PRKG1: variants seen among roughly 807,000 people sequenced by gnomAD.
PRKG1 encodes protein kinase cGMP-dependent 1.
PRKG1 carries 35 observed loss-of-function variants against 88.1 expected under a neutral mutation model. That is an observed-to-expected ratio of 0.40 (90% CI 0.30 to 0.53). The LOEUF is 0.53. Among genes scored for constraint, PRKG1 ranks in the 20% least tolerant of loss-of-function variants. PRKG1 has a pLI of 0.59. For synonymous variants in PRKG1, 303 were observed against 292.5 expected, an observed-to-expected ratio of 1.04 and a Z score of -0.37; for missense variants, 540 against 839.8, an observed-to-expected ratio of 0.64 and a Z score of 4.41.
intron 3 of PRKG1, among the ~76,000 whole-genome samples, chr10:51,599,732 C>A (rs1838549210): frequency 6.6e-6 from 1 of 152,146 alleles, no homozygotes; most frequent in Non-Finnish European, 1.5e-5. Context: ...AACCTTCCGG[C>A]TATTTTAATG....
chr10:52,221,055 C>T (rs1027852577), intron 9 of PRKG1, among the ~76,000 whole-genome samples: 2 of 146,354 alleles, frequency 1.4e-5, no homozygotes, highest in Non-Finnish European at 3.0e-5. Flanking sequence ...CAACCCCACC[C>T]GCATCTGTTA....
At chr10:52,225,415 T>C (rs1324417278) in intron 9 of PRKG1, among the ~76,000 whole-genome samples, 1 of 152,190 alleles carries the variant, frequency 6.6e-6, no homozygotes, top group Admixed American at 6.5e-5. Flanking sequence ...ATTTTGAAGA[T>C]TTTCTCCCAC....
chr10:51,104,407 C>T (rs1844767134), intron 1 of PRKG1, among the ~76,000 whole-genome samples: 1 of 152,162 alleles, frequency 6.6e-6, no homozygotes, highest in Non-Finnish European at 1.5e-5. Flanking sequence ...AAAGGCATTA[C>T]TGACAAAATG....
chr10:52,163,923 G>A (rs1838353316), intron 9 of PRKG1, among the ~76,000 whole-genome samples: 1 of 152,118 alleles, frequency 6.6e-6, no homozygotes, highest in Non-Finnish European at 1.5e-5. Context: ...TTCTGCTCCT[G>A]GCTCTGTCAT....
At chr10:51,147,142 T>C (rs2131965023) in intron 1 of PRKG1, among the ~76,000 whole-genome samples, 1 of 152,142 alleles carries the variant, frequency 6.6e-6, no homozygotes, top group South Asian at 2.1e-4. Context: ...AGAGTAGGGA[T>C]GAGGGAAAGA....
intron 7 of PRKG1, among the ~76,000 whole-genome samples, chr10:52,088,298 AAT>A (rs1479758940): frequency 6.6e-6 from 1 of 151,034 alleles, no homozygotes; most frequent in Non-Finnish European, 1.5e-5. Context: ...TTAATGAGGA[AAT>A]AGTTTGTTTA....
intron 1 of PRKG1, among the ~76,000 whole-genome samples, chr10:51,063,719 A>G (rs971949044): frequency 2.0e-5 from 3 of 152,196 alleles, no homozygotes; most frequent in Admixed American, 2.0e-4. Context: ...TTTTATAATT[A>G]GAGCTTAATT....
At chr10:51,808,320 G>A (rs1033664316) in intron 4 of PRKG1, among the ~76,000 whole-genome samples, 23 of 151,950 alleles carry the variant, frequency 1.5e-4, no homozygotes, top group Admixed American at 1.5e-3. Flanking sequence ...ACTTCGGCTG[G>A]GTGTAGTGGC....
intron 1 of PRKG1, among the ~76,000 whole-genome samples, chr10:51,018,769 A>G (rs948640303): frequency 1.3e-5 from 2 of 152,204 alleles, no homozygotes; most frequent in African/African-American, 4.8e-5. Context: ...GGAAGTGTCA[A>G]TATTTAAAAA....
intron 1 of PRKG1, among the ~76,000 whole-genome samples, chr10:51,088,850 C>G (rs1021046148): frequency 1.6e-5 from 2 of 121,614 alleles, no homozygotes; most frequent in African/African-American, 6.6e-5. Context: ...CAAGATAAAA[C>G]CTCTTCATGT....
intron 5 of PRKG1, among the ~76,000 whole-genome samples, chr10:52,008,075 C>A (rs553901619): frequency 6.6e-6 from 1 of 152,122 alleles, no homozygotes; most frequent in South Asian, 2.1e-4. Flanking sequence ...ATCTTTGAAA[C>A]TAATAAGAAC....
chr10:51,597,267 T>C (rs1838476692), intron 3 of PRKG1, among the ~76,000 whole-genome samples: 2 of 152,286 alleles, frequency 1.3e-5, no homozygotes, highest in East Asian at 1.9e-4. Flanking sequence ...AATTCATTGT[T>C]GGTAAAACAT....
At chr10:51,853,627 G>T (rs913052246) in intron 4 of PRKG1, among the ~76,000 whole-genome samples, 1 of 152,156 alleles carries the variant, frequency 6.6e-6, no homozygotes, top group Non-Finnish European at 1.5e-5. Flanking sequence ...AGTAGCTTAA[G>T]TATGTTTGCA....
At chr10:51,615,883 T>C (rs1839039413) in intron 3 of PRKG1, among the ~76,000 whole-genome samples, 1 of 152,166 alleles carries the variant, frequency 6.6e-6, no homozygotes, top group African/African-American at 2.4e-5. Context: ...CATATTTCCT[T>C]GCTTTTTCAT....
intron 5 of PRKG1, among the ~76,000 whole-genome samples, chr10:52,017,039 T>C (rs536073380): frequency 6.6e-6 from 1 of 152,150 alleles, no homozygotes; most frequent in Admixed American, 6.6e-5. Flanking sequence ...AGAAGTGTGG[T>C]TTGTCTGAGG....
chr10:51,122,686 A>T (rs1845289946), intron 1 of PRKG1, among the ~76,000 whole-genome samples: 1 of 152,184 alleles, frequency 6.6e-6, no homozygotes, highest in East Asian at 1.9e-4. Context: ...CCAGCAACTG[A>T]TCTGATGCTC....
intron 5 of PRKG1, among the ~76,000 whole-genome samples, chr10:51,930,498 T>C (rs1234673354): frequency 1.2e-5 from 1 of 86,524 alleles, no homozygotes. Flanking sequence ...TTTTCCTCTT[T>C]TTTTTTTTTT....
chr10:51,730,330 C>G (rs1356364444), intron 3 of PRKG1, among the ~76,000 whole-genome samples: 2 of 152,172 alleles, frequency 1.3e-5, no homozygotes, highest in East Asian at 3.9e-4. Flanking sequence ...TACAAAGACT[C>G]TGGTCTTCAA....
intron 3 of PRKG1, among the ~76,000 whole-genome samples, chr10:51,614,515 A>G (rs1838995407): frequency 6.6e-6 from 1 of 151,122 alleles, no homozygotes; most frequent in Non-Finnish European, 1.5e-5. Flanking sequence ...TGGAGAATTT[A>G]ATCTATTTAT....
Sources: gnomAD v4.1 joint callset for allele counts (sites outside exome capture counted in the v4.1 genomes callset) on GRCh38, gnomAD v4.1.1 for gene constraint, MANE v1.5 for transcripts, NCBI Gene and HGNC (gene_info 2026-07-23, HGNC 2026-07-21) for gene names.